The following GABRB3 variants were observed in gnomAD, a reference collection of about 807,000 sequenced individuals.
GABRB3 encodes the protein gamma-aminobutyric acid type A receptor subunit beta3.
GABRB3 carries 14 observed loss-of-function variants against 52.1 expected under a neutral mutation model. That is an observed-to-expected ratio of 0.27 (90% CI 0.18 to 0.42). The LOEUF (loss-of-function observed/expected upper bound fraction) is 0.42, where lower values mean the gene tolerates loss of function less well. Among genes scored for constraint, GABRB3 ranks in the 10% least tolerant of loss-of-function variants. The pLI, the probability that GABRB3 is intolerant of heterozygous loss-of-function variation, is 1.00. For synonymous variants in GABRB3, 260 were observed against 232.3 expected, an observed-to-expected ratio of 1.12 and a Z score of -1.08; for missense variants, 307 against 609.1, an observed-to-expected ratio of 0.50 and a Z score of 5.22.
chr15:26,579,159 C>G (rs1468579260), intron 6 of GABRB3, among the ~76,000 whole-genome samples: 1 of 152,212 alleles, frequency 6.6e-6, no homozygotes, highest in Non-Finnish European at 1.5e-5. Context: ...ACAACTGCCA[C>G]ACACCCAGGA....
chr15:26,660,178 C>G (rs369723838), intron 3 of GABRB3, among the ~76,000 whole-genome samples: 1 of 150,698 alleles, frequency 6.6e-6, no homozygotes, highest in Non-Finnish European at 1.5e-5. Flanking sequence ...TGCGGTGAGT[C>G]GAGATCATGC....
At chr15:26,730,878 G>C (rs1286419994) in intron 3 of GABRB3, among the ~76,000 whole-genome samples, 1 of 152,196 alleles carries the variant, frequency 6.6e-6, no homozygotes, top group Non-Finnish European at 1.5e-5. Context: ...TAGGAGCATT[G>C]TAAGCAGCAA....
At chr15:26,736,769 C>T (rs985175382) in intron 3 of GABRB3, among the ~76,000 whole-genome samples, 10 of 152,220 alleles carry the variant, frequency 6.6e-5, no homozygotes, top group Admixed American at 6.5e-4. Context: ...TGAGGATAGG[C>T]AGGTAGCAAA....
At chr15:26,699,438 A>T (rs1752319089) in intron 3 of GABRB3, among the ~76,000 whole-genome samples, 1 of 152,202 alleles carries the variant, frequency 6.6e-6, no homozygotes, top group Admixed American at 6.5e-5. Flanking sequence ...ATTACCAGAC[A>T]AGTAAGGAAG....
At chr15:26,649,034 G>A (rs549679097) in intron 3 of GABRB3, among the ~76,000 whole-genome samples, 5 of 152,224 alleles carry the variant, frequency 3.3e-5, no homozygotes, top group South Asian at 2.1e-4. Context: ...GGGTCTGGGC[G>A]AGCAGGGAGG....
At chr15:26,556,973 G>C (rs1374058747) in intron 8 of GABRB3, among the ~76,000 whole-genome samples, 1 of 152,166 alleles carries the variant, frequency 6.6e-6, no homozygotes. Flanking sequence ...AATCCCAGGT[G>C]CTATCCCTGA....
intron 4 of GABRB3, among the ~76,000 whole-genome samples, chr15:26,618,828 A>G (rs1326785319): frequency 1.3e-5 from 2 of 152,138 alleles, no homozygotes. Flanking sequence ...CAAGAAAAAA[A>G]CAAACAATCC....
At position 26,729,123 on chromosome 15, in the gene GABRB3, T is replaced by G. The variant is rs1889843928; in HGVS notation, c.240+43279A>C. 2.6e-5 allele frequency among the ~76,000 whole-genome samples: 4 copies of G among 152,174 alleles called. No individual in the cohort carries two copies. In the Middle Eastern group the frequency reaches 0.014, roughly 521 times the overall value. ...TTGCTTTCCCCCACGCCTCTGCAAG[T>G]GGGCATCTGCTGATCTTGCAGCAGG... On this transcript the variant is annotated intron_variant, in intron 3 of 8. Coordinates refer to ENST00000311550, the MANE Select transcript of GABRB3 (RefSeq NM_000814.6).
chr15:26,556,368 T>C (rs560125776), intron 8 of GABRB3, among the ~76,000 whole-genome samples: 1 of 152,376 alleles, frequency 6.6e-6, no homozygotes, highest in East Asian at 1.9e-4. Context: ...ACTGTCGTTT[T>C]AGAAGAATGA....
rs186766925 is a variant in GABRB3, at chr15:26,689,658, T to C, written c.241-68124A>G. ...GGTGAGGCAGAGGACACGAAACCCC[T>C]CACTGTGCATCCATGTCAACCAACC... On this transcript the variant is annotated intron_variant, in intron 3 of 8. Transcript: ENST00000311550. Among the ~76,000 whole-genome samples the C allele has an allele frequency of 3.3e-5, 5 of 152,088 alleles. No homozygotes were observed. The East Asian group carries it at 9.7e-4, about 30-fold the overall frequency.
At position 26,635,417 on chromosome 15, in the gene GABRB3, C is replaced by G. The variant is rs527327919; in HGVS notation, c.241-13883G>C. Among the ~76,000 whole-genome samples, 47 of 152,006 alleles carry G rather than the reference C, an allele frequency of 3.1e-4. No homozygotes were observed. In the South Asian group the frequency reaches 9.8e-3, roughly 32 times the overall value. Reference sequence around the variant, plus strand: ...TATGTTCTTAAATAGTGATGGTCCTCTCTTGGGTGGCATGATTTATGGAGT... The same window carrying G: ...TATGTTCTTAAATAGTGATGGTCCTGTCTTGGGTGGCATGATTTATGGAGT... On this transcript the variant is annotated intron_variant, in intron 3 of 8. Transcript: ENST00000311550.
At chr15:26,603,799 C>G (rs1246806988) in intron 4 of GABRB3, among the ~76,000 whole-genome samples, 1 of 152,000 alleles carries the variant, frequency 6.6e-6, no homozygotes, top group East Asian at 1.9e-4. Flanking sequence ...CCTGATATAT[C>G]AAGCCCTAAG....
chr15:26,644,460 G>T (rs1183488513), intron 3 of GABRB3, among the ~76,000 whole-genome samples: 1 of 152,196 alleles, frequency 6.6e-6, no homozygotes, highest in African/African-American at 2.4e-5. Context: ...AGGAGGCAGA[G>T]ATCAGGGTGA....
intron 6 of GABRB3, among the ~76,000 whole-genome samples, chr15:26,579,960 T>A (rs1890728290): frequency 6.6e-6 from 1 of 152,180 alleles, no homozygotes; most frequent in Admixed American, 6.5e-5. Flanking sequence ...AGCACCTACC[T>A]CCTCTGGTCA....
rs535517248 is a variant in GABRB3, at chr15:26,687,257, A to G, written c.241-65723T>C. On this transcript the variant is annotated intron_variant, in intron 3 of 8. Transcript: ENST00000311550. The stretch of plus-strand genomic sequence containing the variant: ...AGGATATTTCACAAGAAATTTATCA[A>G]TGCCACCTTTTCAAAGACCAAAATT... 9.2e-5 allele frequency among the ~76,000 whole-genome samples: 14 copies of G among 152,368 alleles called. No homozygotes were observed. In the South Asian group the frequency reaches 2.5e-3, roughly 27 times the overall value.
At position 26,673,608 on chromosome 15, in the gene GABRB3, G is replaced by C. The variant is rs143325269; in HGVS notation, c.241-52074C>G. 6.9e-3 allele frequency among the ~76,000 whole-genome samples: 1,055 copies of C among 152,308 alleles called. 15 individuals carry two copies. Among genetic ancestry groups the C allele is most frequent in the African/African-American group, 0.025 (1,028 of 41,570 alleles). ...TGGAGCAAAGACCCTATCCAGCATG[G>C]CTGTGAAAGCAGTGACTGTGAAAGC... On this transcript the variant is annotated intron_variant, in intron 3 of 8. Transcript: ENST00000311550.
intron 3 of GABRB3, among the ~76,000 whole-genome samples, chr15:26,752,000 T>G (rs1482361772): frequency 1.3e-5 from 2 of 152,162 alleles, no homozygotes; most frequent in East Asian, 1.9e-4. Context: ...AGAAATAAAT[T>G]GTTCTATATA....
intron 3 of GABRB3, among the ~76,000 whole-genome samples, chr15:26,707,056 G>A (rs1889125163): frequency 6.6e-6 from 1 of 152,200 alleles, no homozygotes; most frequent in Non-Finnish European, 1.5e-5. Flanking sequence ...ACAATCAACG[G>A]GAAAGAATCG....
intron 3 of GABRB3, among the ~76,000 whole-genome samples, chr15:26,698,128 T>A (rs1336032782): frequency 2.6e-5 from 4 of 152,150 alleles, no homozygotes; most frequent in Non-Finnish European, 5.9e-5. Flanking sequence ...AGCTGCCAGG[T>A]TAGCCTCCCA....
Sources: allele counts gnomAD v4.1 joint callset (sites outside exome capture counted in the v4.1 genomes callset), GRCh38; gene constraint gnomAD v4.1.1; transcripts MANE v1.5; gene names NCBI Gene and HGNC (gene_info 2026-07-23, HGNC 2026-07-21).